Variants in ACBD5 observed in about 807,000 individuals in gnomAD.
ACBD5 encodes acyl-CoA binding domain containing 5, also known as acyl-CoA-binding domain-containing protein 5.
Under a neutral mutation model 71.8 loss-of-function variants are expected in ACBD5, and 40 were observed. The ratio of observed to expected loss-of-function variants is 0.56; its 90% CI spans 0.43 to 0.72. The LOEUF is 0.72. Among genes scored for constraint, ACBD5 ranks in the 30% least tolerant of loss-of-function variants. ACBD5 has a pLI of 0.00. For synonymous variants in ACBD5, 229 were observed against 218.6 expected (o/e 1.05, Z -0.42); for missense variants, 559 against 644.5 (o/e 0.87, Z 1.44).
In ACBD5 at chr10:27,219,789, T is replaced by G. The variant is rs1288880218; in HGVS notation, c.559A>C (p.Ser187Arg). 1 of 1,614,162 alleles carries G rather than the reference T, an allele frequency of 6.2e-7. No individual in the cohort carries two copies. Among genetic ancestry groups the G allele is most frequent in the Admixed American group, 1.7e-5 (1 of 60,018 alleles). Reference sequence around the variant, plus strand: ...TCTTCTTCCTCAGACTCGGCTCCACTGTCACTGCTTTCAGCTTTACCATTA... The same window carrying G: ...TCTTCTTCCTCAGACTCGGCTCCACGGTCACTGCTTTCAGCTTTACCATTA... Reference protein sequence around the residue: ...TVNGKAESSDSGAESEEEEAQ... With the variant: ...TVNGKAESSDRGAESEEEEAQ... The change falls in exon 6 of 13, where the codon AGT becomes CGT. Residue 187 changes from serine to arginine, a missense_variant. By Grantham distance (110) the Ser-to-Arg change is moderately radical. Transcript: ENST00000396271.
intron 13 of ACBD5, among the ~76,000 whole-genome samples, chr10:27,188,236 ATGTTCAAAATACAGT>A (rs2058894015): frequency 6.6e-6 from 1 of 152,356 alleles, no homozygotes; most frequent in African/African-American, 2.4e-5. Context: ...TTCTAGTAAA[ATGTTCAAAATACAGT>A]TGTTCAAAAC....
downstream of ACBD5, among the ~76,000 whole-genome samples, chr10:27,194,671 T>C (rs1302131527): frequency 2.0e-5 from 3 of 149,726 alleles, no homozygotes; most frequent in Admixed American, 6.7e-5. Context: ...TAGGGTTCAT[T>C]GTGTGGCTGT....
Position 27,240,492 on chromosome 10 carries a change from A to C in ACBD5, c.16-8T>G, listed in dbSNP as rs1257421500. On this transcript the variant is annotated splice_polypyrimidine_tract_variant and splice_region_variant and intron_variant, in intron 1 of 12. Transcript: ENST00000396271. The surrounding 1 kb of genome is among the most constrained non-coding windows in gnomAD (Gnocchi z 4.1). ...CCAAGAGCCTGCATGAAACTGGAAC[A>C]TGGAGCGCAGCCGCGGATCAACATG... is the stretch of plus-strand genomic sequence containing the variant. The C allele has an allele frequency of 1.3e-5, 21 of 1,601,276 alleles. No individual in the cohort carries two copies. Among genetic ancestry groups the C allele is most frequent in the Non-Finnish European group, 1.8e-5 (21 of 1,173,362 alleles).
chr10:27,197,925 C>T (rs1439521629), intron 12 of ACBD5, among the ~76,000 whole-genome samples: 1 of 152,164 alleles, frequency 6.6e-6, no homozygotes, highest in Admixed American at 6.6e-5. Context: ...GCTATGGCGC[C>T]CAGCCATCCT....
At chr10:27,209,113 T>C (rs1395887682) in intron 9 of ACBD5, among the ~76,000 whole-genome samples, 1 of 151,678 alleles carries the variant, frequency 6.6e-6, no homozygotes, top group Non-Finnish European at 1.5e-5. Flanking sequence ...TAAATAGAGA[T>C]GAGGTCTCCC....
chr10:27,189,671 C>T (rs889108827), intron 13 of ACBD5, among the ~76,000 whole-genome samples: 18 of 150,020 alleles, frequency 1.2e-4, no homozygotes, highest in South Asian at 4.2e-4. Flanking sequence ...ATGTAAATGA[C>T]GAGTTAATGG....
upstream of ACBD5, chr10:27,241,914 G>A (rs1281897013): frequency 2.6e-6 from 1 of 391,046 alleles, no homozygotes. Flanking sequence ...GGGGGGTGGA[G>A]TCCTGTAGCC....
intron 4 of ACBD5, among the ~76,000 whole-genome samples, chr10:27,228,815 A>ATTTTTT (rs1167438554): frequency 2.0e-4 from 4 of 20,362 alleles, no homozygotes; most frequent in Non-Finnish European, 2.5e-4. Context: ...ATATATATAT[A>ATTTTTT]TTTTTTTTTT....
chr10:27,204,666 C>T (rs1005118129), intron 11 of ACBD5, 117 bp from the exon 12 acceptor site: 8 of 744,686 alleles, frequency 1.1e-5, no homozygotes, highest in African/African-American at 1.7e-5. Context: ...AAATCTCACT[C>T]CTGCTGAAAG....
intron 10 of ACBD5, among the ~76,000 whole-genome samples, chr10:27,206,706 G>C (rs2060500011): frequency 6.6e-6 from 1 of 151,904 alleles, no homozygotes; most frequent in Non-Finnish European, 1.5e-5. Flanking sequence ...AGTAGAGATG[G>C]GGTTTCACCA....
At chr10:27,204,131 C>A (rs2060215736) in intron 12 of ACBD5, among the ~76,000 whole-genome samples, 1 of 118,972 alleles carries the variant, frequency 8.4e-6, no homozygotes, top group Non-Finnish European at 1.7e-5. Context: ...AAAACGGGAC[C>A]CAGTCTCAAA....
rs780161581 is a variant in ACBD5, at chr10:27,197,214, G to A, written c.*216C>T. ...TGTATACTACTTATAACCTAGTAGA[G>A]ATTGATTATTCAAGTATCAGCAATA... On this transcript the variant is annotated 3_prime_UTR_variant, in exon 13 of 13. Coordinates refer to ENST00000396271, the MANE Select transcript of ACBD5 (RefSeq NM_145698.5). 4 of 648,530 alleles carry A rather than the reference G, an allele frequency of 6.2e-6. No individual in the cohort carries two copies. The highest frequency in any genetic ancestry group is 4.5e-5 in the Admixed American group (2 of 44,676). 40.2% of individuals were successfully genotyped at this position (648,530 alleles called of 1,614,324 possible). A position where few individuals can be genotyped will look rare whatever the true frequency, so the allele number is the denominator to read the frequency against.
At chr10:27,211,993 G>C (rs931797330) in intron 8 of ACBD5, among the ~76,000 whole-genome samples, 4 of 152,122 alleles carry the variant, frequency 2.6e-5, no homozygotes, top group Admixed American at 6.5e-5. Context: ...ACACATTAGA[G>C]AAACAGAGAG....
At position 27,211,096 on chromosome 10, in the gene ACBD5, T is replaced by A. The variant is rs766350001; in HGVS notation, c.937-15A>T. 6 of 1,613,758 alleles carry A rather than the reference T, an allele frequency of 3.7e-6. No homozygotes were observed. In the Admixed American group the frequency reaches 8.3e-5, roughly 22 times the overall value. ...CTGTCTAAAGACTACAAATTAGAAA[T>A]GACACTTAGTTAAAAGCTAGAAATG... On this transcript the variant is annotated splice_polypyrimidine_tract_variant and intron_variant, in intron 8 of 12. Transcript: ENST00000396271.
At chr10:27,189,062 A>G (rs1051472638) in intron 13 of ACBD5, among the ~76,000 whole-genome samples, 1 of 152,202 alleles carries the variant, frequency 6.6e-6, no homozygotes, top group African/African-American at 2.4e-5. Flanking sequence ...GCTGGAGACA[A>G]TTCTAGAGTC....
chr10:27,227,009 A>ATTTTTTTTTTTTGTTTTTTTT (rs2063143026), intron 4 of ACBD5, among the ~76,000 whole-genome samples: 1 of 78,392 alleles, frequency 1.3e-5, no homozygotes, highest in Non-Finnish European at 2.2e-5. Flanking sequence ...TTTTTTTGCG[A>ATTTTTTTTTTTTGTTTTTTTT]TTTTTTTTTT....
chr10:27,225,147 C>T (rs1019484861), intron 4 of ACBD5, among the ~76,000 whole-genome samples: 5 of 149,172 alleles, frequency 3.4e-5, no homozygotes, highest in Admixed American at 2.7e-4. Context: ...GGCACGATCT[C>T]GGCTCACTGC....
chr10:27,203,936 C>T (rs2060195789), intron 12 of ACBD5, among the ~76,000 whole-genome samples: 1 of 151,850 alleles, frequency 6.6e-6, no homozygotes, highest in African/African-American at 2.4e-5. Flanking sequence ...CCGTGCCTTT[C>T]AGAACACTGT....
chr10:27,213,405 C>T (rs1267555680), intron 8 of ACBD5, among the ~76,000 whole-genome samples: 4 of 152,202 alleles, frequency 2.6e-5, no homozygotes, highest in Admixed American at 2.6e-4. Context: ...TGTACATTGT[C>T]GGTGAGAATG....
Sources: allele counts gnomAD v4.1 joint callset (sites outside exome capture counted in the v4.1 genomes callset), GRCh38; gene constraint gnomAD v4.1.1; non-coding constraint Gnocchi (gnomAD v3.1); transcripts MANE v1.5; gene names NCBI Gene and HGNC (gene_info 2026-07-23, HGNC 2026-07-21).